PDGFRL: variants seen among roughly 807,000 people sequenced by gnomAD.
The protein encoded by PDGFRL is platelet derived growth factor receptor like.
In PDGFRL, 46 loss-of-function variants were observed where a neutral mutation model predicts 37.2. That is an observed-to-expected ratio of 1.24 (90% CI 0.98 to 1.58). The LOEUF is 1.58. Ranked by LOEUF, PDGFRL falls within the 40% of genes most tolerant of loss-of-function variation. The probability of loss-of-function intolerance (pLI) is 0.00; values close to 1 mark genes in which losing one functional copy is unlikely to be tolerated. For synonymous variants in PDGFRL, 251 were observed against 184.3 expected (o/e 1.36, Z -2.93); for missense variants, 692 against 467.6 (o/e 1.48, Z -4.43).
intron 1 of PDGFRL, among the ~76,000 whole-genome samples, 166 bp from the exon 2 acceptor site, chr8:17,589,302 C>A (rs1198420370): frequency 6.6e-6 from 1 of 151,948 alleles, no homozygotes; most frequent in East Asian, 1.9e-4. Flanking sequence ...AAGAGAATCA[C>A]TTGAACCTGG....
chr8:17,600,415 T>C (rs752377092), intron 2 of PDGFRL, among the ~76,000 whole-genome samples: 1 of 152,216 alleles, frequency 6.6e-6, no homozygotes, highest in Non-Finnish European at 1.5e-5. Flanking sequence ...CTCTACTTGC[T>C]GGCGAATGCC....
intron 2 of PDGFRL, among the ~76,000 whole-genome samples, chr8:17,590,253 A>AAAAAAG (rs1356419901): frequency 0.015 from 2,166 of 144,530 alleles, 129 homozygotes; most frequent in South Asian, 0.083. Flanking sequence ...AAAAAAAAAA[A>AAAAAAG]AAATTGCAAA....
In PDGFRL at chr8:17,577,252, G is replaced by A; in HGVS notation, c.-1G>A. 1 of 1,612,490 alleles carries A rather than the reference G, an allele frequency of 6.2e-7. No individual in the cohort carries two copies. The highest frequency in any genetic ancestry group is 1.3e-5 in the African/African-American group (1 of 74,898). ...GCGCTCCGAGGTCCGAGGTTCCCGA[G>A]ATGAAGGTCTGGCTGCTGCTTGGTC... is the stretch of plus-strand genomic sequence containing the variant. On this transcript the variant is annotated 5_prime_UTR_variant, in exon 1 of 6. Transcript: ENST00000251630.
chr8:17,626,770 C>A (rs886344931), intron 3 of PDGFRL, among the ~76,000 whole-genome samples: 2 of 152,172 alleles, frequency 1.3e-5, no homozygotes, highest in Non-Finnish European at 2.9e-5. Context: ...AACAAAAATA[C>A]CCCCAAAAGC....
intron 2 of PDGFRL, among the ~76,000 whole-genome samples, chr8:17,597,134 C>A (rs1050167554): frequency 1.3e-5 from 2 of 152,204 alleles, no homozygotes; most frequent in Non-Finnish European, 2.9e-5. Flanking sequence ...AATTCTAGTG[C>A]CTCAGCCTCC....
chr8:17,594,528 C>T (rs1315408262), intron 2 of PDGFRL, among the ~76,000 whole-genome samples: 3 of 151,190 alleles, frequency 2.0e-5, no homozygotes, highest in African/African-American at 7.3e-5. Flanking sequence ...AGGTGTAAGC[C>T]ACCATGCCTG....
chr8:17,580,364 T>A lies in PDGFRL; in HGVS notation c.55+3057T>A, dbSNP rs140400672. ...AAAAATTAGTACAGAAATATTTTAA[T>A]GAAAAAAAGAATTCTAAAGTTCCTT... On this transcript the variant is annotated intron_variant, in intron 1 of 5. Transcript: ENST00000251630. Among the ~76,000 whole-genome samples, 328 of 152,294 alleles carry A rather than the reference T, an allele frequency of 2.2e-3. 1 individual carries two copies. Among genetic ancestry groups the A allele is most frequent in the African/African-American group, 7.2e-3 (298 of 41,548 alleles).
intron 5 of PDGFRL, among the ~76,000 whole-genome samples, chr8:17,638,134 T>C (rs761424725): frequency 6.6e-6 from 1 of 152,216 alleles, no homozygotes; most frequent in Non-Finnish European, 1.5e-5. Flanking sequence ...GGTGTGACCT[T>C]AGATTGTCTA....
Position 17,642,618 on chromosome 8 carries a change from A to G in PDGFRL, c.945A>G (p.Glu315=). ...TTGTGGGTGTCGTTAAACAGGATGAAAGGCCTGTGACGATCCAAGACACTT... is the reference window on the plus strand; with the variant it reads ...TTGTGGGTGTCGTTAAACAGGATGAGAGGCCTGTGACGATCCAAGACACTT... ...FTWIFPGQKD[E]RPVTIQDTWR... The change falls in exon 6 of 6, where the codon GAA becomes GAG. Residue 315 remains glutamate, a synonymous_variant. Transcript: ENST00000251630. The G allele has an allele frequency of 1.9e-6, 3 of 1,602,660 alleles. No individual in the cohort carries two copies. The highest frequency in any genetic ancestry group is 2.6e-6 in the Non-Finnish European group (3 of 1,169,666).
At chr8:17,618,585 C>T (rs1316851263) in intron 2 of PDGFRL, among the ~76,000 whole-genome samples, 1 of 152,186 alleles carries the variant, frequency 6.6e-6, no homozygotes, top group African/African-American at 2.4e-5. Flanking sequence ...TGCTCACAAG[C>T]GATTCACAAG....
chr8:17,619,551 G>T (rs1196478720), intron 2 of PDGFRL, among the ~76,000 whole-genome samples: 4 of 152,218 alleles, frequency 2.6e-5, no homozygotes, highest in Non-Finnish European at 5.9e-5. Flanking sequence ...GAAGTGGGCT[G>T]TATGCATACT....
intron 5 of PDGFRL, among the ~76,000 whole-genome samples, chr8:17,641,055 G>A (rs993889883): frequency 6.6e-6 from 1 of 152,032 alleles, no homozygotes; most frequent in South Asian, 2.1e-4. Context: ...GGAAGTGGGG[G>A]AAAGCCAGCA....
At chr8:17,631,706 C>T (rs1804864362) in intron 4 of PDGFRL, among the ~76,000 whole-genome samples, 1 of 152,206 alleles carries the variant, frequency 6.6e-6, no homozygotes, top group African/African-American at 2.4e-5. Context: ...ACCCCCATGC[C>T]ATTAAAGTCT....
At chr8:17,594,418 T>G (rs1804008145) in intron 2 of PDGFRL, among the ~76,000 whole-genome samples, 1 of 151,838 alleles carries the variant, frequency 6.6e-6, no homozygotes, top group South Asian at 2.1e-4. Flanking sequence ...TTTTTGTATC[T>G]TCTATAGAGA....
At chr8:17,640,841 G>A (rs1272540979) in intron 5 of PDGFRL, among the ~76,000 whole-genome samples, 1 of 152,072 alleles carries the variant, frequency 6.6e-6, no homozygotes, top group African/African-American at 2.4e-5. Flanking sequence ...GCTCCCAAGA[G>A]ATTATGTCCT....
Position 17,610,858 on chromosome 8 carries a change from C to T in PDGFRL, c.354-10193C>T, listed in dbSNP as rs142313414. ...CCCAGGAGGCAGAGGTTGCAGTGAG[C>T]CGAGATCACACCACTGCACTCCAGC... On this transcript the variant is annotated intron_variant, in intron 2 of 5. Transcript: ENST00000251630. Among the ~76,000 whole-genome samples, 583 of 152,232 alleles carry T rather than the reference C, an allele frequency of 3.8e-3. 9 individuals are homozygous for T. Among genetic ancestry groups the T allele is most frequent in the African/African-American group, 0.014 (561 of 41,530 alleles).
chr8:17,585,520 G>T (rs1356756693), intron 1 of PDGFRL, among the ~76,000 whole-genome samples: 1 of 152,140 alleles, frequency 6.6e-6, no homozygotes, highest in Non-Finnish European at 1.5e-5. Context: ...AAGTGTGTGT[G>T]TTCCTGTGGG....
intron 2 of PDGFRL, among the ~76,000 whole-genome samples, chr8:17,618,632 A>T (rs1477959982): frequency 1.3e-5 from 2 of 151,940 alleles, no homozygotes; most frequent in Non-Finnish European, 2.9e-5. Context: ...GCTGTCTGAG[A>T]CTCAGTTTTC....
intron 4 of PDGFRL, among the ~76,000 whole-genome samples, chr8:17,631,101 T>C (rs2237842): frequency 0.16 from 24,400 of 151,940 alleles, 2,182 homozygotes; most frequent in East Asian, 0.24. Context: ...GCTGATGGCA[T>C]AGGGGCAGGC....
Sources: gnomAD v4.1 joint callset for allele counts (sites outside exome capture counted in the v4.1 genomes callset) on GRCh38, gnomAD v4.1.1 for gene constraint, MANE v1.5 for transcripts, NCBI Gene and HGNC (gene_info 2026-07-23, HGNC 2026-07-21) for gene names.